TNRC6A: variants seen among roughly 807,000 people sequenced by gnomAD.
TNRC6A encodes trinucleotide repeat containing adaptor 6A, also known as trinucleotide repeat-containing gene 6A protein.
In TNRC6A, 44 loss-of-function variants were observed where a neutral mutation model predicts 221.2. That is an observed-to-expected ratio of 0.20 (90% confidence interval 0.16 to 0.26). The LOEUF is 0.26. TNRC6A is among the 10% of genes least tolerant of loss of function. The pLI, the probability that TNRC6A is intolerant of heterozygous loss-of-function variation, is 1.00. For missense variants in TNRC6A, 2,199 were observed against 2,404.4 expected (o/e 0.91, Z 1.79); for synonymous variants, 847 against 838.5 (o/e 1.01, Z -0.18).
intron 1 of TNRC6A, among the ~76,000 whole-genome samples, chr16:24,620,262 A>G (rs191921323): frequency 1.3e-5 from 2 of 152,284 alleles, no homozygotes; most frequent in East Asian, 3.9e-4. Flanking sequence ...CTATCTATAA[A>G]TTCATAATAA....
At chr16:24,660,739 C>CTTTT (rs58299677) in intron 2 of TNRC6A, among the ~76,000 whole-genome samples, 97 of 91,288 alleles carry the variant, frequency 1.1e-3, no homozygotes, top group African/African-American at 2.2e-3. Context: ...TTTTTTTTTT[C>CTTTT]TTTTTTTTTT....
chr16:24,643,614 G>C (rs963977938), intron 2 of TNRC6A, among the ~76,000 whole-genome samples: 3 of 152,086 alleles, frequency 2.0e-5, no homozygotes, highest in Non-Finnish European at 4.4e-5. Context: ...CATCAGACTT[G>C]AGGCTTGGCC....
chr16:24,692,670 G>A (rs928598973), intron 2 of TNRC6A, among the ~76,000 whole-genome samples: 10 of 151,820 alleles, frequency 6.6e-5, no homozygotes, highest in African/African-American at 1.7e-4. Context: ...CCGTGATTGT[G>A]CCACTGCATT....
intron 20 of TNRC6A, 120 bp downstream of exon 20, chr16:24,817,076 AG>A: frequency 9.8e-7 from 1 of 1,016,638 alleles, no homozygotes; most frequent in Non-Finnish European, 1.3e-6. Context: ...ACTTGAGCCC[AG>A]GAGCTTGAGG....
intron 2 of TNRC6A, among the ~76,000 whole-genome samples, chr16:24,645,533 G>A (rs1011517744): frequency 1.3e-5 from 2 of 151,236 alleles, no homozygotes; most frequent in African/African-American, 2.4e-5. Context: ...ACTTCTGTCC[G>A]AGTTATAGCA....
At chr16:24,704,565 T>C (rs965872000) in intron 2 of TNRC6A, among the ~76,000 whole-genome samples, 9 of 143,348 alleles carry the variant, frequency 6.3e-5, no homozygotes, top group African/African-American at 1.0e-4. Context: ...CTCAGGAGGC[T>C]GAAGCAGGAG....
At chr16:24,725,830 T>C (rs1010462997), upstream of TNRC6A, among the ~76,000 whole-genome samples, 3 of 151,796 alleles carry the variant, frequency 2.0e-5, no homozygotes, top group Admixed American at 1.3e-4. Flanking sequence ...TGAAACCCTG[T>C]CTCTACTAAA....
chr16:24,654,384 G>T (rs182124737), intron 2 of TNRC6A, among the ~76,000 whole-genome samples: 2 of 152,292 alleles, frequency 1.3e-5, no homozygotes, highest in Admixed American at 1.3e-4. Context: ...ATGATTTGCA[G>T]AAAATTTTTA....
intron 2 of TNRC6A, among the ~76,000 whole-genome samples, chr16:24,691,494 C>T (rs555265851): frequency 6.6e-6 from 1 of 152,076 alleles, no homozygotes; most frequent in Non-Finnish European, 1.5e-5. Context: ...AAGGGCCAGA[C>T]GCGGTGGCTC....
chr16:24,809,760 T>C (rs1376691650), intron 18 of TNRC6A, among the ~76,000 whole-genome samples: 1 of 152,222 alleles, frequency 6.6e-6, no homozygotes, highest in African/African-American at 2.4e-5. Flanking sequence ...TAAGTGATTT[T>C]ATTCTTATAT....
chr16:24,822,001 A>G, intron 22 of TNRC6A, 76 bp from the exon 23 acceptor site: 2 of 1,378,048 alleles, frequency 1.5e-6, no homozygotes, highest in East Asian at 2.3e-5. Flanking sequence ...TCAAGAGGCC[A>G]GGTGATCTGC....
chr16:24,676,235 T>TGATG (rs768373474), intron 2 of TNRC6A, among the ~76,000 whole-genome samples: 5 of 152,178 alleles, frequency 3.3e-5, no homozygotes, highest in Non-Finnish European at 7.3e-5. Context: ...TCAAGGTCAC[T>TGATG]GATGGCCTCC....
chr16:24,808,510 G>A (rs2058479854), intron 17 of TNRC6A, among the ~76,000 whole-genome samples: 1 of 152,238 alleles, frequency 6.6e-6, no homozygotes, highest in Admixed American at 6.5e-5. Context: ...GGCCCACAGA[G>A]CCTGAGATAC....
At chr16:24,686,664 CTT>C (rs1290950095) in intron 2 of TNRC6A, among the ~76,000 whole-genome samples, 1 of 152,146 alleles carries the variant, frequency 6.6e-6, no homozygotes, top group Non-Finnish European at 1.5e-5. Context: ...TAGATCTGGT[CTT>C]TTCTCTCAAA....
intron 1 of TNRC6A, among the ~76,000 whole-genome samples, chr16:24,639,724 T>C (rs1373501768): frequency 1.3e-5 from 2 of 151,726 alleles, no homozygotes; most frequent in African/African-American, 4.8e-5. Flanking sequence ...CACTGTAGCC[T>C]CCATCTCCTT....
rs375212829 is a variant in TNRC6A at position 24,676,990 on chromosome 16, G to C, written n.402+35981G>C. 9.5e-4 allele frequency among the ~76,000 whole-genome samples: 144 copies of C among 151,764 alleles called. 2 individuals carry two copies. Among genetic ancestry groups the C allele is most frequent in the Middle Eastern group, 3.4e-3 (1 of 294 alleles). ...CTGGTATGGCTTTAAATATCATTGC[G>C]TGCCACTAACTTTTTATTGTCTGTC... On this transcript the variant is annotated intron_variant and non_coding_transcript_variant, in intron 2 of 2. Coordinates refer to the TNRC6A transcript ENST00000566108.
chr16:24,790,168 A>G lies in TNRC6A; in HGVS notation c.1526A>G (p.Asn509Ser), dbSNP rs1335900800. 5 of 1,614,064 alleles carry G rather than the reference A, an allele frequency of 3.1e-6. No homozygotes were observed. The highest frequency in any genetic ancestry group is 2.2e-5 in the East Asian group (1 of 44,902). Residue 509 changes from asparagine (N) to serine (S), a missense_variant, in exon 6 of 25, where the codon AAT (asparagine) becomes AGT (serine). Asn to Ser is a conservative substitution (Grantham distance 46). Around this residue, in one of 8 missense-constraint regions of TNRC6A, gnomAD observed 1,405 missense variants for 1,400.2 expected, o/e 1.00. Coordinates refer to ENST00000395799, the MANE Select transcript of TNRC6A (RefSeq NM_014494.4). Reference protein sequence around the residue: ...MNGTSLSHLSNGESKSGGSYG... With the variant: ...MNGTSLSHLSSGESKSGGSYG... ...GGCACTTCCCTTTCTCACCTTAGCA[A>G]TGGAGAGTCAAAAAGTGGAGGCTCT...
chr16:24,763,515 TCACTGC>T (rs1567438657), intron 4 of TNRC6A, among the ~76,000 whole-genome samples: 4 of 152,206 alleles, frequency 2.6e-5, no homozygotes, highest in African/African-American at 4.8e-5. Context: ...CTTTCAGTCA[TCACTGC>T]CAGTATCATC....
At chr16:24,661,966 AAGG>A (rs1262301819) in intron 2 of TNRC6A, 1 of 151,950 alleles carries the variant, frequency 6.6e-6, no homozygotes, top group African/African-American at 2.4e-5. Flanking sequence ...GAGGCTGAGG[AAGG>A]AGGACTCCTA....
Sources: allele counts gnomAD v4.1 joint callset (sites outside exome capture counted in the v4.1 genomes callset), GRCh38; gene constraint gnomAD v4.1.1; regional missense constraint gnomAD v4.1.1; transcripts MANE v1.5; gene names NCBI Gene and HGNC (gene_info 2026-07-23, HGNC 2026-07-21).